Variants in OSBPL2 observed in about 807,000 individuals in gnomAD.
OSBPL2 encodes the protein oxysterol binding protein like 2, also known as oxysterol-binding protein-related protein 2.
OSBPL2 carries 18 observed loss-of-function variants against 58.4 expected under a neutral mutation model. That is an observed-to-expected ratio of 0.31 (90% CI 0.21 to 0.46). The LOEUF (loss-of-function observed/expected upper bound fraction) is 0.46, where lower values mean the gene tolerates loss of function less well. OSBPL2 is among the 20% of genes least tolerant of loss of function. OSBPL2 has a pLI of 1.00. For synonymous variants in OSBPL2, 221 were observed against 234.1 expected (o/e 0.94, Z 0.51); for missense variants, 461 against 616.5 (o/e 0.75, Z 2.67).
intron 6 of OSBPL2, chr20:62,278,821 TTGTG>T (rs1601189340): frequency 3.6e-6 from 1 of 275,326 alleles, no homozygotes; most frequent in East Asian, 8.8e-5. Context: ...GATATCGTGT[TTGTG>T]TGTGTGTCTG....
chr20:62,248,817 A>G (rs1391120524), intron 1 of OSBPL2, among the ~76,000 whole-genome samples: 3 of 152,038 alleles, frequency 2.0e-5, no homozygotes, highest in Non-Finnish European at 4.4e-5. Flanking sequence ...TAGTCTCCTA[A>G]GTAGCTGGGA....
At chr20:62,252,735 C>T (rs781178856) in intron 1 of OSBPL2, among the ~76,000 whole-genome samples, 3 of 152,208 alleles carry the variant, frequency 2.0e-5, no homozygotes, top group Non-Finnish European at 2.9e-5. Flanking sequence ...GGAAACATGG[C>T]GCTGGCATCT....
chr20:62,288,705 C>G lies in OSBPL2; in HGVS notation c.1126-502C>G, dbSNP rs1035410725. 2.0e-5 allele frequency among the ~76,000 whole-genome samples: 3 copies of G among 152,168 alleles called. No homozygotes were observed. The East Asian group carries it at 5.8e-4, about 29-fold the overall frequency. ...GAGCCAGAAGTCAGGCAGAGCAAGG[C>G]TCTGGGAGTCCTGGGCACGGGGGGA... On this transcript the variant is annotated intron_variant, in intron 11 of 13. Coordinates refer to ENST00000313733, the MANE Select transcript of OSBPL2 (RefSeq NM_144498.4). This position sits in a 1 kb window ranked among gnomAD's most constrained non-coding sequence, Gnocchi z 4.8.
chr20:62,253,106 A>T (rs1275715248), intron 1 of OSBPL2, among the ~76,000 whole-genome samples: 2 of 152,212 alleles, frequency 1.3e-5, no homozygotes, highest in African/African-American at 4.8e-5. Context: ...TCTCCCCGGG[A>T]GGCACCCAAG....
At chr20:62,266,717 G>T (rs1019220131) in intron 4 of OSBPL2, among the ~76,000 whole-genome samples, 14 of 152,138 alleles carry the variant, frequency 9.2e-5, no homozygotes, top group African/African-American at 3.4e-4. Context: ...GACATCTTTT[G>T]TTTGTAAATA....
At position 62,262,433 on chromosome 20, in the gene OSBPL2, C is replaced by T. The variant is rs1022049035; in HGVS notation, c.183-1183C>T. On this transcript the variant is annotated intron_variant, in intron 3 of 13. Transcript: ENST00000313733. ...ATCCCATCTCCATGCAGGGTCGTAT[C>T]CTTGGGGGATGCGACCTGACCTTCT... Among the ~76,000 whole-genome samples, 13 of 152,330 alleles carry T rather than the reference C, an allele frequency of 8.5e-5. No individual in the cohort carries two copies. The East Asian group carries it at 1.9e-3, about 23-fold the overall frequency.
intron 10 of OSBPL2, chr20:62,286,104 T>C (rs1983100508): frequency 5.8e-6 from 1 of 171,504 alleles, no homozygotes; most frequent in Non-Finnish European, 1.3e-5. Flanking sequence ...CGTACAGTGA[T>C]GGACAGACAG....
chr20:62,248,186 G>C (rs767574011), intron 1 of OSBPL2, among the ~76,000 whole-genome samples: 38 of 114,388 alleles, frequency 3.3e-4, no homozygotes, highest in Non-Finnish European at 5.6e-4. Context: ...ACAGGGTCTC[G>C]CTCTGTTGCC....
In OSBPL2 at chr20:62,254,747, T is replaced by C. The variant is rs548877433; in HGVS notation, c.-128-1310T>C. Among the ~76,000 whole-genome samples the C allele has an allele frequency of 2.6e-5, 4 of 152,154 alleles. No individual in the cohort carries two copies. In the South Asian group the frequency reaches 6.2e-4, roughly 24 times the overall value. ...TTTGACACAAGTAAGGATGCTGATT[T>C]TGGCTTCCTTCTCTTGTCGTTCATC... On this transcript the variant is annotated intron_variant, in intron 1 of 13. Transcript: ENST00000313733.
intron 1 of OSBPL2, among the ~76,000 whole-genome samples, chr20:62,253,326 T>C (rs1241831753): frequency 3.3e-5 from 5 of 152,110 alleles, no homozygotes; most frequent in African/African-American, 7.2e-5. Context: ...CAAAATAACT[T>C]GTGGGCTTAC....
At chr20:62,292,370 C>T (rs1387271730) in intron 13 of OSBPL2, among the ~76,000 whole-genome samples, 1 of 152,224 alleles carries the variant, frequency 6.6e-6, no homozygotes, top group Non-Finnish European at 1.5e-5. Flanking sequence ...CACCCCATGA[C>T]CCAGAAAGGT....
intron 4 of OSBPL2, 135 bp from the exon 5 acceptor site, chr20:62,271,990 C>T: frequency 9.8e-7 from 1 of 1,019,820 alleles, no homozygotes; most frequent in Non-Finnish European, 1.5e-6. Flanking sequence ...AGTGGCTCAC[C>T]CATGGGGGGT....
chr20:62,295,647 G>A lies in OSBPL2; in HGVS notation c.*1760G>A, dbSNP rs1464309851. On this transcript the variant is annotated 3_prime_UTR_variant, in exon 14 of 14. Coordinates refer to ENST00000313733, the MANE Select transcript of OSBPL2 (RefSeq NM_144498.4). The surrounding 1 kb of genome is among the most constrained non-coding windows in gnomAD (Gnocchi z 4.8). ...GGGTCTGAGGATTCAGGATTGTGGC[G>A]TTATTCAAAGAGGAGACTTTGAAAT... 2.0e-5 allele frequency: 3 copies of A among 152,204 alleles called. No individual in the cohort carries two copies. Among genetic ancestry groups the A allele is most frequent in the African/African-American group, 4.8e-5 (2 of 41,446 alleles). 9.4% of individuals were successfully genotyped at this position (152,204 alleles called of 1,614,324 possible). A position where few individuals can be genotyped will look rare whatever the true frequency, so the allele number is the denominator to read the frequency against.
intron 1 of OSBPL2, among the ~76,000 whole-genome samples, chr20:62,252,576 G>C (rs1039783628): frequency 1.3e-5 from 2 of 152,238 alleles, no homozygotes; most frequent in Non-Finnish European, 2.9e-5. Context: ...GGGTGCTGCT[G>C]CTGAGTCGCC....
At chr20:62,290,885 C>T (rs192293206) in intron 12 of OSBPL2, among the ~76,000 whole-genome samples, 107 of 151,634 alleles carry the variant, frequency 7.1e-4, no homozygotes, top group African/African-American at 2.5e-3. Context: ...TTACAGGTGC[C>T]CGCCACCACA....
Position 62,273,309 on chromosome 20 carries a change from T to A in OSBPL2, c.394T>A (p.Ser132Thr). Residue 132 changes from serine to threonine, a missense_variant and splice_region_variant, in exon 6 of 14, where the codon TCT (serine) becomes ACT (threonine). Coordinates refer to ENST00000313733, the MANE Select transcript of OSBPL2 (RefSeq NM_144498.4). The stretch of plus-strand genomic sequence containing the variant: ...TGTCCCCCCCGTGGATTATTTACAG[T>A]CTGTGGCTGCTTTTGCTGTTTCGGC... Reference protein sequence around the residue: ...CQPQPLERMQSVAAFAVSAVA... With the variant: ...CQPQPLERMQTVAAFAVSAVA... 6.2e-7 allele frequency: 1 copy of A among 1,607,382 alleles called. No homozygotes were observed. Among genetic ancestry groups the A allele is most frequent in the Non-Finnish European group, 8.5e-7 (1 of 1,177,816 alleles).
chr20:62,260,889 C>G (rs1032098946), intron 3 of OSBPL2, among the ~76,000 whole-genome samples: 4 of 152,108 alleles, frequency 2.6e-5, no homozygotes, highest in Non-Finnish European at 5.9e-5. Flanking sequence ...ACTTGGGAGG[C>G]TGAGTCAGGA....
intron 3 of OSBPL2, among the ~76,000 whole-genome samples, chr20:62,261,895 A>G (rs556938007): frequency 5.9e-5 from 9 of 152,198 alleles, no homozygotes; most frequent in Admixed American, 4.6e-4. Flanking sequence ...AGTTGCTGGG[A>G]TTACAGGCAT....
chr20:62,294,794 A>C lies in OSBPL2; in HGVS notation c.*907A>C, dbSNP rs2145987617. On this transcript the variant is annotated 3_prime_UTR_variant, in exon 14 of 14. Coordinates refer to ENST00000313733, the MANE Select transcript of OSBPL2 (RefSeq NM_144498.4). ...GTTTTTCCCAGTATGCATGTTTAAA[A>C]TAGAAGTGACAAGAATCACATCCGG... 6.6e-6 allele frequency: 1 copy of C among 152,366 alleles called. No homozygotes were observed. The highest frequency in any genetic ancestry group is 1.9e-4 in the East Asian group (1 of 5,194). The allele number at this position is 152,366 out of a possible 1,614,324, so 9.4% of individuals were successfully genotyped here.
Sources: gnomAD v4.1 joint callset for allele counts (sites outside exome capture counted in the v4.1 genomes callset) on GRCh38, gnomAD v4.1.1 for gene constraint, Gnocchi (gnomAD v3.1) non-coding constraint, MANE v1.5 for transcripts, NCBI Gene and HGNC (gene_info 2026-07-23, HGNC 2026-07-21) for gene names.